Variants in BNC2 observed in about 807,000 individuals in gnomAD.
BNC2 encodes the protein zinc finger protein basonuclin-2.
In BNC2, 20 loss-of-function variants were observed where a neutral mutation model predicts 76.3. That is an observed-to-expected ratio of 0.26 (90% confidence interval 0.18 to 0.38). The LOEUF (loss-of-function observed/expected upper bound fraction) is 0.38, where lower values mean the gene tolerates loss of function less well. Among genes scored for constraint, BNC2 ranks in the 10% least tolerant of loss-of-function variants. The probability of loss-of-function intolerance (pLI) is 1.00; values close to 1 mark genes in which losing one functional copy is unlikely to be tolerated. For synonymous variants in BNC2, 582 were observed against 514.8 expected (o/e 1.13, Z -1.77); for missense variants, 1,382 against 1,399.8 (o/e 0.99, Z 0.20).
chr9:16,476,871 T>C (rs555798115), intron 5 of BNC2, among the ~76,000 whole-genome samples: 145 of 152,294 alleles, frequency 9.5e-4, no homozygotes, highest in African/African-American at 3.2e-3. Flanking sequence ...TGCAAGGGGT[T>C]TGAAATGTAC....
intron 5 of BNC2, among the ~76,000 whole-genome samples, chr9:16,438,028 T>C (rs1210482857): frequency 6.6e-6 from 1 of 152,146 alleles, no homozygotes; most frequent in African/African-American, 2.4e-5. Context: ...AAAATTCCTT[T>C]AAATAGGAGT....
chr9:16,755,518 T>C (rs1825359279), intron 1 of BNC2, among the ~76,000 whole-genome samples: 1 of 152,144 alleles, frequency 6.6e-6, no homozygotes, highest in Non-Finnish European at 1.5e-5. Flanking sequence ...TGCAATTATA[T>C]GACAAAAGAG....
At chr9:16,455,524 T>G (rs1821428781) in intron 5 of BNC2, among the ~76,000 whole-genome samples, 1 of 152,092 alleles carries the variant, frequency 6.6e-6, no homozygotes. Context: ...GGCGTGATGG[T>G]TCACACCTGT....
At chr9:16,617,509 T>C (rs917918021) in intron 3 of BNC2, among the ~76,000 whole-genome samples, 2 of 141,882 alleles carry the variant, frequency 1.4e-5, no homozygotes, top group African/African-American at 5.2e-5. Context: ...CTCCTCCAAA[T>C]TTTACGTACA....
At chr9:16,616,574 A>T (rs4961726) in intron 3 of BNC2, among the ~76,000 whole-genome samples, 133,812 of 151,090 alleles carry the variant, frequency 0.89, 60,086 homozygotes, top group East Asian at 0.98. Context: ...TGGTCTCAGC[A>T]ACTTGGGAGG....
intron 5 of BNC2, among the ~76,000 whole-genome samples, chr9:16,552,050 A>C (rs1818678780): frequency 6.6e-6 from 1 of 152,182 alleles, no homozygotes; most frequent in Non-Finnish European, 1.5e-5. Flanking sequence ...TCTACCTTTG[A>C]GTTGGCTGAA....
intron 5 of BNC2, among the ~76,000 whole-genome samples, chr9:16,497,675 G>A (rs1164623786): frequency 6.6e-6 from 1 of 152,012 alleles, no homozygotes. Context: ...TAAGAAAAAA[G>A]GGTAAAAGTC....
intron 1 of BNC2, among the ~76,000 whole-genome samples, chr9:16,813,075 G>T (rs1432200774): frequency 6.6e-6 from 1 of 151,962 alleles, no homozygotes; most frequent in African/African-American, 2.4e-5. Context: ...CGGGCGTGGT[G>T]ACGCCCCAGC....
intron 4 of BNC2, chr9:16,580,257 T>C (rs1238367743): frequency 7.5e-6 from 3 of 397,916 alleles, no homozygotes; most frequent in Non-Finnish European, 1.3e-5. Flanking sequence ...CCCTCACTGC[T>C]GTATTTGGCC....
chr9:16,724,198 TG>T (rs1271204414), intron 3 of BNC2, among the ~76,000 whole-genome samples: 9 of 152,078 alleles, frequency 5.9e-5, no homozygotes, highest in Admixed American at 6.5e-5. Flanking sequence ...TATACCTTTA[TG>T]GTTTCCTTTC....
chr9:16,801,743 AACAC>A (rs1554737320), intron 1 of BNC2, among the ~76,000 whole-genome samples: 21 of 148,774 alleles, frequency 1.4e-4, no homozygotes, highest in African/African-American at 3.7e-4. Context: ...AAAAAAAAAA[AACAC>A]ACACACACAG....
At chr9:16,569,953 G>A (rs1332569933) in intron 4 of BNC2, among the ~76,000 whole-genome samples, 1 of 152,106 alleles carries the variant, frequency 6.6e-6, no homozygotes, top group African/African-American at 2.4e-5. Flanking sequence ...ACAGTACACT[G>A]ACTATAAAAC....
In BNC2 at chr9:16,870,510, C is replaced by G. The variant is rs1049815576; in HGVS notation, c.3+136G>C. The G allele has an allele frequency of 7.4e-6, 7 of 944,812 alleles. No individual in the cohort carries two copies. The African/African-American group carries it at 1.2e-4, about 17-fold the overall frequency. 58.5% of individuals were successfully genotyped at this position (944,812 alleles called of 1,614,324 possible). ...GGGTTCTGGTCCCCGGCCCGCCCTC[C>G]TCAGCGCCCCTTGCCCCTCACGCCG... On this transcript the variant is annotated intron_variant, in intron 1 of 6. Transcript: ENST00000380672.
chr9:16,517,011 A>T (rs2132016413), intron 5 of BNC2, among the ~76,000 whole-genome samples: 1 of 152,330 alleles, frequency 6.6e-6, no homozygotes, highest in Admixed American at 6.5e-5. Context: ...CAGCACCAAC[A>T]CTTGCAGTAA....
chr9:16,845,675 C>T (rs1168117389), intron 1 of BNC2, among the ~76,000 whole-genome samples: 1 of 151,770 alleles, frequency 6.6e-6, no homozygotes, highest in Admixed American at 6.6e-5. Flanking sequence ...GAGCCGAGAT[C>T]GCACCTCTGC....
intron 3 of BNC2, among the ~76,000 whole-genome samples, chr9:16,614,332 A>G (rs10738442): frequency 0.88 from 133,859 of 152,110 alleles, 59,807 homozygotes; most frequent in East Asian, 0.98. Context: ...CACAGCCTCC[A>G]AAATCCAAGA....
At chr9:16,592,092 TA>T (rs891869504) in intron 3 of BNC2, among the ~76,000 whole-genome samples, 18 of 152,020 alleles carry the variant, frequency 1.2e-4, no homozygotes, top group African/African-American at 4.4e-4. Flanking sequence ...CTGGGCAATT[TA>T]AAGATGGTTA....
chr9:16,491,154 G>A (rs1160680835), intron 5 of BNC2, among the ~76,000 whole-genome samples: 5 of 152,148 alleles, frequency 3.3e-5, no homozygotes, highest in African/African-American at 1.2e-4. Flanking sequence ...CGAGAGCAAA[G>A]ACAAATATTT....
chr9:16,668,014 C>T (rs982123502), intron 3 of BNC2, among the ~76,000 whole-genome samples: 1 of 152,194 alleles, frequency 6.6e-6, no homozygotes, highest in Non-Finnish European at 1.5e-5. Context: ...TTATTAGGTA[C>T]GTTCCTACTA....
Sources: gnomAD v4.1 joint callset for allele counts (sites outside exome capture counted in the v4.1 genomes callset) on GRCh38, gnomAD v4.1.1 for gene constraint, MANE v1.5 for transcripts, NCBI Gene and HGNC (gene_info 2026-07-23, HGNC 2026-07-21) for gene names.